The following ACSM1 variants were observed in gnomAD, a reference collection of about 807,000 sequenced individuals.
The protein encoded by ACSM1 is acyl-CoA synthetase medium chain family member 1, also known as acyl-coenzyme A synthetase ACSM1, mitochondrial.
ACSM1 carries 79 observed loss-of-function variants against 75.8 expected under a neutral mutation model. The observed-to-expected ratio is 1.04, with a 90% confidence interval of 0.87 to 1.26. ACSM1 has a LOEUF of 1.26. ACSM1 is among the 50% of genes most tolerant of loss of function. ACSM1 has a pLI of 0.00. For missense variants in ACSM1, 676 were observed against 720.1 expected (o/e 0.94, Z 0.70); for synonymous variants, 279 against 265.8 (o/e 1.05, Z -0.48).
chr16:20,658,433 T>G (rs2019102005), intron 7 of ACSM1, among the ~76,000 whole-genome samples: 1 of 151,984 alleles, frequency 6.6e-6, no homozygotes, highest in Admixed American at 6.5e-5. Context: ...TTCATATCCT[T>G]CACCCACTTT....
rs2017502433 is a variant in ACSM1, at chr16:20,633,987, C to T, written c.1299+2752G>A. ...CACTTCCTGACCTCAAAACTTACTA[C>T]AAAACTACAGTAATAGAAACAGTGT... On this transcript the variant is annotated intron_variant, in intron 10 of 13. Coordinates refer to ENST00000520010, the MANE Select transcript of ACSM1 (RefSeq NM_001318890.3). 3.3e-5 allele frequency among the ~76,000 whole-genome samples: 5 copies of T among 152,136 alleles called. No homozygotes were observed. In the South Asian group the frequency reaches 8.3e-4, roughly 25 times the overall value.
intron 7 of ACSM1, among the ~76,000 whole-genome samples, chr16:20,647,927 TTCA>T (rs773165033): frequency 6.6e-6 from 1 of 152,156 alleles, no homozygotes; most frequent in Non-Finnish European, 1.5e-5. Context: ...ATCACAGCTG[TTCA>T]TCATGCACCT....
At chr16:20,637,096 A>C in intron 9 of ACSM1, 1 of 753,802 alleles carries the variant, frequency 1.3e-6, no homozygotes, top group Non-Finnish European at 2.4e-6. Context: ...AAAAATGAAA[A>C]GCACCACTTG....
intron 7 of ACSM1, among the ~76,000 whole-genome samples, chr16:20,641,619 T>A (rs922393146): frequency 6.6e-6 from 1 of 152,254 alleles, no homozygotes; most frequent in African/African-American, 2.4e-5. Flanking sequence ...ATAAATAGCA[T>A]GGGCTCCCAG....
At chr16:20,685,818 T>TC (rs2079538622) in intron 2 of ACSM1, among the ~76,000 whole-genome samples, 1 of 37,288 alleles carries the variant, frequency 2.7e-5, no homozygotes, top group African/African-American at 6.7e-5. Flanking sequence ...AGACTCCGTC[T>TC]CAAAAAAAAA....
rs190722948 is a variant in ACSM1 at position 20,648,900 on chromosome 16, T to C, written c.993-8316A>G. Among the ~76,000 whole-genome samples, 284 of 152,348 alleles carry C rather than the reference T, an allele frequency of 1.9e-3. 2 individuals carry two copies. Among genetic ancestry groups the C allele is most frequent in the Non-Finnish European group, 1.7e-3 (116 of 68,040 alleles). On this transcript the variant is annotated intron_variant, in intron 7 of 13. Transcript: ENST00000520010. This position sits in a 1 kb window ranked among gnomAD's most constrained non-coding sequence, Gnocchi z 4.2. ...TTGGGCACATGTTCTCAAGATCTGC[T>C]GAGGCTGTGTCACAGGCATGTCTTT...
chr16:20,672,866 T>C (rs1567296891), intron 4 of ACSM1, among the ~76,000 whole-genome samples: 2 of 130,060 alleles, frequency 1.5e-5, no homozygotes, highest in African/African-American at 3.0e-5. Context: ...TAATATATAA[T>C]ATATAAATAT....
chr16:20,642,899 C>T (rs1484093727), intron 7 of ACSM1, among the ~76,000 whole-genome samples: 1 of 152,200 alleles, frequency 6.6e-6, no homozygotes, highest in African/African-American at 2.4e-5. Context: ...TCCTTTAAAA[C>T]CAGGGTAAAT....
intron 6 of ACSM1, among the ~76,000 whole-genome samples, chr16:20,662,767 A>C (rs2019362898): frequency 6.6e-6 from 1 of 152,086 alleles, no homozygotes; most frequent in South Asian, 2.1e-4. Flanking sequence ...TCTAGCCTCT[A>C]TCTCTTTAAT....
At chr16:20,659,276 G>T (rs546483260) in intron 7 of ACSM1, among the ~76,000 whole-genome samples, 7 of 152,214 alleles carry the variant, frequency 4.6e-5, no homozygotes, top group Non-Finnish European at 7.4e-5. Flanking sequence ...AGCACTGTGG[G>T]ACCCTGCCAG....
rs1435382089 is a variant in ACSM1 at position 20,628,941 on chromosome 16, T to C, written c.1300-1625A>G. ...CCTAAGCAATAGCTCTTGTGGAACATGAAATGGTTTTAAGAGCTACCCGAA... is the reference window on the plus strand; with the variant it reads ...CCTAAGCAATAGCTCTTGTGGAACACGAAATGGTTTTAAGAGCTACCCGAA... On this transcript the variant is annotated intron_variant, in intron 10 of 13. Transcript: ENST00000520010. Among the ~76,000 whole-genome samples the C allele has an allele frequency of 8.5e-5, 13 of 152,304 alleles. 1 individual carries two copies. The highest frequency in any genetic ancestry group is 7.2e-4 in the Admixed American group (11 of 15,308).
intron 13 of ACSM1, 38 bp from the exon 14 acceptor site, chr16:20,623,610 C>A: frequency 6.3e-7 from 1 of 1,580,590 alleles, no homozygotes; most frequent in Non-Finnish European, 8.7e-7. Flanking sequence ...TGATTGAGTC[C>A]TGCTGCCATT....
At chr16:20,626,960 T>C (rs982947073) in intron 11 of ACSM1, among the ~76,000 whole-genome samples, 2 of 152,050 alleles carry the variant, frequency 1.3e-5, no homozygotes, top group Non-Finnish European at 2.9e-5. Context: ...GCACAGTGTC[T>C]TATTATGGCT....
intron 4 of ACSM1, among the ~76,000 whole-genome samples, chr16:20,672,960 C>T (rs1567297118): frequency 7.3e-6 from 1 of 137,364 alleles, no homozygotes; most frequent in African/African-American, 2.7e-5. Flanking sequence ...TATTATATCT[C>T]ATATATAAAA....
At chr16:20,672,371 C>G (rs961427593) in intron 4 of ACSM1, among the ~76,000 whole-genome samples, 1 of 139,684 alleles carries the variant, frequency 7.2e-6, no homozygotes, top group African/African-American at 2.7e-5. Flanking sequence ...TAGTTGTGAA[C>G]CTGGGAGGCT....
chr16:20,639,710 C>T (rs1448513271), intron 8 of ACSM1, among the ~76,000 whole-genome samples: 2 of 152,236 alleles, frequency 1.3e-5, no homozygotes, highest in Non-Finnish European at 2.9e-5. Context: ...TCAAACAATG[C>T]TGTGCATGCG....
At chr16:20,681,651 T>A (rs1406687868) in intron 4 of ACSM1, 3 of 153,248 alleles carry the variant, frequency 2.0e-5, no homozygotes, top group Admixed American at 6.5e-5. Context: ...GAAGCTCAGC[T>A]CTGTGAAGAG....
In ACSM1 at chr16:20,682,352, A is replaced by C; in HGVS notation, c.515T>G (p.Val172Gly). The C allele has an allele frequency of 6.2e-7, 1 of 1,613,982 alleles. No individual in the cohort carries two copies. The highest frequency in any genetic ancestry group is 1.1e-5 in the South Asian group (1 of 91,074). The stretch of plus-strand genomic sequence containing the variant: ...GGGGCACTGAGAAGCTATGGAGTCC[A>C]CCTCTGAGGCAAGGGCATCTATGGT... ...IVTIDALASE[V>G]DSIASQCPSL... The change falls in exon 4 of 14, where the codon GTG (valine) becomes GGG (glycine). Residue 172 changes from valine to glycine, a missense_variant. By Grantham distance (109) the Val-to-Gly change is moderately radical. Transcript: ENST00000520010.
intron 7 of ACSM1, among the ~76,000 whole-genome samples, chr16:20,647,080 TG>T (rs1216274742): frequency 2.0e-5 from 3 of 152,340 alleles, no homozygotes; most frequent in Non-Finnish European, 4.4e-5. Context: ...TGTTAGAAGG[TG>T]CCTGTTTCTC....
Sources: gnomAD v4.1 joint callset for allele counts (sites outside exome capture counted in the v4.1 genomes callset) on GRCh38, gnomAD v4.1.1 for gene constraint, Gnocchi (gnomAD v3.1) non-coding constraint, MANE v1.5 for transcripts, NCBI Gene and HGNC (gene_info 2026-07-23, HGNC 2026-07-21) for gene names.